Variants in LDLRAD4 observed in about 807,000 individuals in gnomAD.
LDLRAD4 encodes the protein low-density lipoprotein receptor class A domain-containing protein 4.
In LDLRAD4, 5 loss-of-function variants were observed where a neutral mutation model predicts 17.0. The observed-to-expected ratio is 0.29, with a 90% CI of 0.15 to 0.62. The LOEUF is 0.62. Ranked by LOEUF, LDLRAD4 falls within the 20% of genes least tolerant of loss-of-function variation. The pLI, the probability that LDLRAD4 is intolerant of heterozygous loss-of-function variation, is 0.84. For synonymous variants in LDLRAD4, 168 were observed against 171.8 expected (o/e 0.98, Z 0.17); for missense variants, 340 against 424.7 (o/e 0.80, Z 1.75).
chr18:13,550,594 G>T lies in LDLRAD4; in HGVS notation c.182-70523G>T, dbSNP rs112807339. Among the ~76,000 whole-genome samples the T allele has an allele frequency of 4.7e-3, 715 of 152,332 alleles. 4 individuals are homozygous for T. Among genetic ancestry groups the T allele is most frequent in the African/African-American group, 0.016 (664 of 41,570 alleles). On this transcript the variant is annotated intron_variant, in intron 3 of 5. Transcript: ENST00000359446. ...GAAGGCTCAAGGCATGAGTGCTGGC[G>T]ATGTTGATGCCATCAAGACGATGAG...
At chr18:13,416,815 T>G (rs1459184432) in intron 2 of LDLRAD4, among the ~76,000 whole-genome samples, 2 of 152,222 alleles carry the variant, frequency 1.3e-5, no homozygotes, top group Non-Finnish European at 2.9e-5. Context: ...GGAAAAACAC[T>G]TATGAAAATA....
chr18:13,226,180 C>CTGTTTTTTTTTTTTTT (rs71370946), intron 1 of LDLRAD4, among the ~76,000 whole-genome samples: 2 of 52,188 alleles, frequency 3.8e-5, no homozygotes, highest in Non-Finnish European at 6.5e-5. Flanking sequence ...CCATGCCTTG[C>CTGTTTTTTTTTTTTTT]TTTTTTTTTT....
At chr18:13,261,733 A>G (rs1044728769) in intron 1 of LDLRAD4, among the ~76,000 whole-genome samples, 7 of 152,178 alleles carry the variant, frequency 4.6e-5, no homozygotes, top group Non-Finnish European at 8.8e-5. Context: ...GACTTCATCT[A>G]TATTGAAGAC....
intron 1 of LDLRAD4, among the ~76,000 whole-genome samples, chr18:13,263,466 G>A (rs1458861063): frequency 6.6e-6 from 1 of 152,200 alleles, no homozygotes; most frequent in Non-Finnish European, 1.5e-5. Context: ...GCACGGGATT[G>A]CAGCTAACAC....
intron 1 of LDLRAD4, among the ~76,000 whole-genome samples, chr18:13,320,029 A>G (rs1257353647): frequency 2.0e-5 from 3 of 152,234 alleles, no homozygotes; most frequent in Admixed American, 2.0e-4. Context: ...ATAAAAAATT[A>G]TGTTTTGAGT....
At chr18:13,527,455 A>G (rs77791209) in intron 3 of LDLRAD4, among the ~76,000 whole-genome samples, 1,704 of 152,242 alleles carry the variant, frequency 0.011, 31 homozygotes, top group East Asian at 0.069. Flanking sequence ...AGCCTGTTGC[A>G]CACACAGCTT....
intron 1 of LDLRAD4, among the ~76,000 whole-genome samples, chr18:13,269,590 C>T (rs1255935542): frequency 6.6e-6 from 1 of 151,858 alleles, no homozygotes; most frequent in African/African-American, 2.4e-5. Context: ...AGGGGAAGCC[C>T]ATTTGCGTGG....
chr18:13,637,231 G>A (rs2148935652), intron 4 of LDLRAD4, among the ~76,000 whole-genome samples: 1 of 152,224 alleles, frequency 6.6e-6, no homozygotes, highest in African/African-American at 2.4e-5. Context: ...TAGTCATGGT[G>A]ACTGCCTCGG....
chr18:13,340,963 C>A (rs2082342772), intron 1 of LDLRAD4, among the ~76,000 whole-genome samples: 1 of 152,040 alleles, frequency 6.6e-6, no homozygotes, highest in Non-Finnish European at 1.5e-5. Context: ...TTCAGTTTTC[C>A]CAACCCATTT....
chr18:13,286,084 T>G (rs1170959923), intron 1 of LDLRAD4, among the ~76,000 whole-genome samples: 1 of 152,206 alleles, frequency 6.6e-6, no homozygotes, highest in African/African-American at 2.4e-5. Flanking sequence ...CATTAAACAT[T>G]AACTCTGCAT....
At chr18:13,370,552 T>C (rs897510984) in intron 1 of LDLRAD4, among the ~76,000 whole-genome samples, 5 of 152,092 alleles carry the variant, frequency 3.3e-5, no homozygotes, top group Middle Eastern at 3.2e-3. Context: ...AGCGGCACCA[T>C]ATAGTTTAAT....
chr18:13,398,210 A>G lies in LDLRAD4; in HGVS notation c.40+10448A>G, dbSNP rs2086861671. On this transcript the variant is annotated intron_variant, in intron 2 of 5. Coordinates refer to ENST00000359446, the Ensembl canonical transcript of LDLRAD4. The surrounding 1 kb of genome is among the most constrained non-coding windows in gnomAD (Gnocchi z 4.8). ...GGCTGAAGCGCCGAACCCAACGCAA[A>G]TACTAAGCATTTGATGGGGTTGTCT... Among the ~76,000 whole-genome samples, 1 of 152,182 alleles carries G rather than the reference A, an allele frequency of 6.6e-6. No individual in the cohort carries two copies.
chr18:13,593,138 C>A (rs1207792139), intron 3 of LDLRAD4, among the ~76,000 whole-genome samples: 1 of 152,064 alleles, frequency 6.6e-6, no homozygotes, highest in Non-Finnish European at 1.5e-5. Context: ...CATGGTAAAA[C>A]CCTGACTCTA....
At chr18:13,635,565 A>G (rs557548529) in intron 4 of LDLRAD4, among the ~76,000 whole-genome samples, 1 of 152,188 alleles carries the variant, frequency 6.6e-6, no homozygotes, top group Admixed American at 6.5e-5. Context: ...CTTTAATGCA[A>G]ATGTTTTGGT....
intron 1 of LDLRAD4, among the ~76,000 whole-genome samples, chr18:13,380,241 T>G (rs1267275715): frequency 6.6e-6 from 1 of 152,234 alleles, no homozygotes; most frequent in Non-Finnish European, 1.5e-5. Flanking sequence ...AATGGCCTGG[T>G]TCGGGCCCTG....
intron 1 of LDLRAD4, among the ~76,000 whole-genome samples, chr18:13,251,906 A>G (rs1007595967): frequency 2.0e-5 from 3 of 152,232 alleles, no homozygotes; most frequent in African/African-American, 4.8e-5. Flanking sequence ...TGAGGAGGCT[A>G]TGGTGCTTTT....
chr18:13,548,831 C>T (rs1240042454), intron 3 of LDLRAD4, among the ~76,000 whole-genome samples: 1 of 152,266 alleles, frequency 6.6e-6, no homozygotes, highest in Non-Finnish European at 1.5e-5. Flanking sequence ...GCCTCCCCTG[C>T]TGCAGCCAGC....
At chr18:13,427,055 G>A (rs1419655944) in intron 2 of LDLRAD4, among the ~76,000 whole-genome samples, 1 of 152,104 alleles carries the variant, frequency 6.6e-6, no homozygotes, top group Non-Finnish European at 1.5e-5. Context: ...GCGTGGTGGT[G>A]CACACCTGTA....
intron 3 of LDLRAD4, among the ~76,000 whole-genome samples, chr18:13,503,030 A>G (rs751136392): frequency 2.0e-5 from 3 of 152,250 alleles, no homozygotes; most frequent in Non-Finnish European, 4.4e-5. Flanking sequence ...CATGAACCTG[A>G]GAGGCTGATG....
Sources: gnomAD v4.1 joint callset for allele counts (sites outside exome capture counted in the v4.1 genomes callset) on GRCh38, gnomAD v4.1.1 for gene constraint, Gnocchi (gnomAD v3.1) non-coding constraint, MANE v1.5 for transcripts, NCBI Gene and HGNC (gene_info 2026-07-23, HGNC 2026-07-21) for gene names.